PDE9A: variants seen among roughly 807,000 people sequenced by gnomAD.
PDE9A encodes phosphodiesterase 9A, also known as high affinity cGMP-specific 3',5'-cyclic phosphodiesterase 9A.
PDE9A carries 60 observed loss-of-function variants against 87.4 expected under a neutral mutation model. That is an observed-to-expected ratio of 0.69 (90% CI 0.56 to 0.85). The LOEUF is 0.85. Ranked by LOEUF, PDE9A falls within the 40% of genes least tolerant of loss-of-function variation. The pLI is 0.00. For missense variants in PDE9A, 665 were observed against 779.0 expected, an observed-to-expected ratio of 0.85 and a Z score of 1.74; for synonymous variants, 272 against 279.4, an observed-to-expected ratio of 0.97 and a Z score of 0.27.
rs2050522802 is a variant in PDE9A at position 42,721,473 on chromosome 21, A to G, written c.263-10297A>G. Among the ~76,000 whole-genome samples, 6 of 152,224 alleles carry G rather than the reference A, an allele frequency of 3.9e-5. 1 individual carries two copies. In the South Asian group the frequency reaches 1.2e-3, roughly 32 times the overall value. ...CTTATGCAATCCCTTGGCAGGCAGG[A>G]CAGGCCAGAGGAAGGGCTCCTGTGC... On this transcript the variant is annotated intron_variant, in intron 4 of 19. Coordinates refer to ENST00000291539, the MANE Select transcript of PDE9A (RefSeq NM_002606.3).
At chr21:42,662,994 CCA>C (rs148408534) in intron 1 of PDE9A, among the ~76,000 whole-genome samples, 2,259 of 148,912 alleles carry the variant, frequency 0.015, 29 homozygotes, top group African/African-American at 0.036. Flanking sequence ...AGAACACACA[CCA>C]CACACACGCA....
At chr21:42,734,264 T>C (rs1213818821) in intron 7 of PDE9A, 1 of 152,222 alleles carries the variant, frequency 6.6e-6, no homozygotes, top group Non-Finnish European at 1.5e-5. Flanking sequence ...CCAAGGAGTG[T>C]CGATTCAAGT....
intron 1 of PDE9A, among the ~76,000 whole-genome samples, chr21:42,670,141 A>ACACACACATTCACACG (rs903910679): frequency 2.1e-5 from 3 of 141,808 alleles, no homozygotes; most frequent in East Asian, 2.1e-4. Context: ...ACACATGCTT[A>ACACACACATTCACACG]CACACACATT....
At position 42,705,473 on chromosome 21, in the gene PDE9A, A is replaced by T. The variant is rs903981269; in HGVS notation, c.262+6462A>T. 1.4e-4 allele frequency among the ~76,000 whole-genome samples: 22 copies of T among 151,928 alleles called. No individual in the cohort carries two copies. The highest frequency in any genetic ancestry group is 5.1e-4 in the African/African-American group (21 of 41,404). On this transcript the variant is annotated intron_variant, in intron 4 of 19. Coordinates refer to ENST00000291539, the MANE Select transcript of PDE9A (RefSeq NM_002606.3). This position sits in a 1 kb window ranked among gnomAD's most constrained non-coding sequence, Gnocchi z 4.3. ...GGAGCTGGCAGGGGAGATGCCTGTG[A>T]TGAGGATTGGGTGCTGTGATCACAG... is the stretch of plus-strand genomic sequence containing the variant.
chr21:42,744,212 G>C (rs1289086521), intron 8 of PDE9A, among the ~76,000 whole-genome samples: 1 of 152,154 alleles, frequency 6.6e-6, no homozygotes, highest in Admixed American at 6.5e-5. Context: ...CGGTAGCCAG[G>C]CATGGTGGCA....
chr21:42,767,013 C>T (rs1451416656), intron 15 of PDE9A, among the ~76,000 whole-genome samples: 3 of 152,140 alleles, frequency 2.0e-5, no homozygotes, highest in Non-Finnish European at 4.4e-5. Context: ...AGAGGCAAAG[C>T]GAGGCTCAGA....
At chr21:42,657,961 G>T (rs185427709) in intron 1 of PDE9A, among the ~76,000 whole-genome samples, 1 of 152,366 alleles carries the variant, frequency 6.6e-6, no homozygotes, top group Non-Finnish European at 1.5e-5. Context: ...CAGTGAATGC[G>T]CACAGCCCAA....
intron 15 of PDE9A, among the ~76,000 whole-genome samples, chr21:42,767,763 G>A (rs1235266711): frequency 6.6e-6 from 1 of 152,174 alleles, no homozygotes. Context: ...GGCGACATCC[G>A]GGCTAGTTTG....
chr21:42,655,692 G>A (rs974409088), intron 1 of PDE9A, among the ~76,000 whole-genome samples: 2 of 152,226 alleles, frequency 1.3e-5, no homozygotes, highest in African/African-American at 4.8e-5. Context: ...AGAAGGGAAT[G>A]AGTGAATGTA....
intron 7 of PDE9A, among the ~76,000 whole-genome samples, chr21:42,735,492 A>G (rs1162958844): frequency 2.0e-5 from 3 of 152,332 alleles, no homozygotes; most frequent in Non-Finnish European, 1.5e-5. Context: ...AGGCATGAGC[A>G]TGACTGGCTA....
chr21:42,764,860 G>A (rs923034762), intron 14 of PDE9A, among the ~76,000 whole-genome samples: 1 of 152,168 alleles, frequency 6.6e-6, no homozygotes, highest in Non-Finnish European at 1.5e-5. Context: ...ATATACAGTT[G>A]AAATGACCTA....
chr21:42,740,621 GGATGAATGGATACATA>G (rs1356487807), intron 7 of PDE9A, among the ~76,000 whole-genome samples: 38 of 23,570 alleles, frequency 1.6e-3, no homozygotes, highest in Non-Finnish European at 3.5e-3. Context: ...ATGGATGGAT[GGATGAATGGATACATA>G]GATGAATGGA....
At position 42,695,164 on chromosome 21, in the gene PDE9A, C is replaced by G. The variant is rs957925334; in HGVS notation, c.219-3804C>G. 6.6e-6 allele frequency among the ~76,000 whole-genome samples: 1 copy of G among 152,244 alleles called. No homozygotes were observed. Among genetic ancestry groups the G allele is most frequent in the Non-Finnish European group, 1.5e-5 (1 of 68,042 alleles). On this transcript the variant is annotated intron_variant, in intron 3 of 19. Transcript: ENST00000291539. This position sits in a 1 kb window ranked among gnomAD's most constrained non-coding sequence, Gnocchi z 4.3. ...TGGAAAATAGGCTGATTGGCTTCCACTCCCTTTTAGAGCTGGCAAGAAAAA... is the reference window on the plus strand; with the variant it reads ...TGGAAAATAGGCTGATTGGCTTCCAGTCCCTTTTAGAGCTGGCAAGAAAAA...
At chr21:42,686,960 C>G (rs1300565433) in intron 2 of PDE9A, among the ~76,000 whole-genome samples, 1 of 151,266 alleles carries the variant, frequency 6.6e-6, no homozygotes, top group Non-Finnish European at 1.5e-5. Context: ...GGGCTTGACC[C>G]AGATCAACAC....
chr21:42,751,964 T>G (rs934835140), intron 9 of PDE9A, among the ~76,000 whole-genome samples: 1 of 151,810 alleles, frequency 6.6e-6, no homozygotes, highest in African/African-American at 2.4e-5. Flanking sequence ...TTGGCCAGGC[T>G]GGTCTTGAAC....
intron 4 of PDE9A, among the ~76,000 whole-genome samples, chr21:42,716,657 T>G (rs1408022308): frequency 6.6e-6 from 1 of 151,112 alleles, no homozygotes; most frequent in Non-Finnish European, 1.5e-5. Context: ...TAAGTCTACT[T>G]ACTCCCCTCT....
chr21:42,761,952 C>T, intron 13 of PDE9A, 131 bp from the exon 14 acceptor site: 1 of 863,648 alleles, frequency 1.2e-6, no homozygotes, highest in Non-Finnish European at 1.8e-6. Flanking sequence ...AGGGCACAGG[C>T]AGCTCCCCCA....
intron 17 of PDE9A, among the ~76,000 whole-genome samples, chr21:42,769,870 G>A (rs577483591): frequency 4.7e-4 from 71 of 152,254 alleles, no homozygotes; most frequent in Middle Eastern, 3.4e-3. Flanking sequence ...TCCAGAGCCT[G>A]CTCCCCACAG....
At chr21:42,664,445 G>C (rs984661515) in intron 1 of PDE9A, among the ~76,000 whole-genome samples, 5 of 152,214 alleles carry the variant, frequency 3.3e-5, no homozygotes, top group Non-Finnish European at 7.4e-5. Flanking sequence ...CAGGAGGCCA[G>C]CGAGGGGTTC....
Sources: allele counts gnomAD v4.1 joint callset (sites outside exome capture counted in the v4.1 genomes callset), GRCh38; gene constraint gnomAD v4.1.1; non-coding constraint Gnocchi (gnomAD v3.1); transcripts MANE v1.5; gene names NCBI Gene and HGNC (gene_info 2026-07-23, HGNC 2026-07-21).